The following SLC35D4 variants were observed in gnomAD, a reference collection of about 807,000 sequenced individuals.
SLC35D4 encodes solute carrier family 35 member D4.
the SLC35D4 span, among the ~76,000 whole-genome samples, chr18:23,346,527 T>C: frequency 2.0e-5 from 3 of 152,290 alleles, no homozygotes; most frequent in Non-Finnish European, 4.4e-5. Context: ...CTTTTTTTTT[T>C]TTCCTATTGC....
chr18:23,282,188 G>C, the SLC35D4 span, among the ~76,000 whole-genome samples: 1 of 152,122 alleles, frequency 6.6e-6, no homozygotes, highest in Non-Finnish European at 1.5e-5. Flanking sequence ...CTAATCCTGC[G>C]GGCCTTTCAC....
chr18:23,300,255 C>A, the SLC35D4 span, among the ~76,000 whole-genome samples: 1 of 152,174 alleles, frequency 6.6e-6, no homozygotes, highest in South Asian at 2.1e-4. Flanking sequence ...GACTGCCGTT[C>A]CCCTTGTAGC....
the SLC35D4 span, among the ~76,000 whole-genome samples, chr18:23,432,338 C>A: frequency 6.6e-6 from 1 of 152,156 alleles, no homozygotes; most frequent in African/African-American, 2.4e-5. Context: ...GTTGCTCAGA[C>A]AAAATGCTAT....
chr18:23,370,242 C>T, the SLC35D4 span: 1 of 1,611,326 alleles, frequency 6.2e-7, no homozygotes, highest in South Asian at 1.1e-5. Flanking sequence ...TCTGGGACTT[C>T]TGTAGAATTT....
chr18:23,301,723 C>T, the SLC35D4 span, among the ~76,000 whole-genome samples: 6 of 152,296 alleles, frequency 3.9e-5, no homozygotes, highest in East Asian at 3.9e-4. Flanking sequence ...ATCTATAAAA[C>T]GGGAGAGGAG....
the SLC35D4 span, chr18:23,257,441 G>A: frequency 2.0e-6 from 3 of 1,464,474 alleles, no homozygotes; most frequent in Non-Finnish European, 2.7e-6. Flanking sequence ...TACTGGAAAT[G>A]AAAAAAAGTA....
chr18:23,399,716 C>G, the SLC35D4 span: 1 of 1,492,952 alleles, frequency 6.7e-7, no homozygotes, highest in Non-Finnish European at 9.3e-7. Flanking sequence ...GCTGGAAAGG[C>G]TGACCCTCCA....
the SLC35D4 span, among the ~76,000 whole-genome samples, chr18:23,365,288 A>G: frequency 6.6e-6 from 1 of 152,160 alleles, no homozygotes; most frequent in East Asian, 1.9e-4. Context: ...GAACTTTTTC[A>G]CCAATTTTTT....
chr18:23,367,056 G>A, the SLC35D4 span, among the ~76,000 whole-genome samples: 2 of 152,114 alleles, frequency 1.3e-5, no homozygotes, highest in Non-Finnish European at 2.9e-5. Flanking sequence ...AACTTCAGGA[G>A]GAGAAGTGAT....
At chr18:23,274,695 AG>A in the SLC35D4 span, among the ~76,000 whole-genome samples, 1 of 152,108 alleles carries the variant, frequency 6.6e-6, no homozygotes, top group African/African-American at 2.4e-5. Flanking sequence ...ACCAGGCCCC[AG>A]GTGCTGTGTC....
the SLC35D4 span, chr18:23,310,074 T>C: frequency 5.3e-6 from 2 of 376,094 alleles, no homozygotes; most frequent in Non-Finnish European, 7.3e-6. Flanking sequence ...AGGGGTATAT[T>C]AAGAAAACTC....
At chr18:23,276,962 G>A in the SLC35D4 span, among the ~76,000 whole-genome samples, 29 of 152,184 alleles carry the variant, frequency 1.9e-4, no homozygotes, top group Non-Finnish European at 3.7e-4. Flanking sequence ...CTCTCTACCT[G>A]TCATCTAGTG....
At chr18:23,436,166 T>A in the SLC35D4 span, among the ~76,000 whole-genome samples, 1 of 151,814 alleles carries the variant, frequency 6.6e-6, no homozygotes, top group Non-Finnish European at 1.5e-5. Context: ...TAGCTGGAAT[T>A]ACAGGCGCCT....
chr18:23,363,747 T>C, the SLC35D4 span, among the ~76,000 whole-genome samples: 1 of 152,142 alleles, frequency 6.6e-6, no homozygotes, highest in Non-Finnish European at 1.5e-5. Flanking sequence ...GCTACCTGGC[T>C]GCATAAAGGA....
the SLC35D4 span, among the ~76,000 whole-genome samples, chr18:23,429,704 T>C: frequency 2.6e-5 from 4 of 152,222 alleles, no homozygotes; most frequent in East Asian, 5.8e-4. Context: ...ACAGCCATTC[T>C]GACTGGTATG....
At chr18:23,375,935 T>TC in the SLC35D4 span, among the ~76,000 whole-genome samples, 4 of 152,240 alleles carry the variant, frequency 2.6e-5, no homozygotes, top group Middle Eastern at 3.4e-3. Context: ...CCTCTAGCTT[T>TC]CCCCACTCTC....
At chr18:23,384,272 C>T in the SLC35D4 span, among the ~76,000 whole-genome samples, 1 of 151,814 alleles carries the variant, frequency 6.6e-6, no homozygotes, top group Non-Finnish European at 1.5e-5. Flanking sequence ...GCCTGGGCGA[C>T]AGAGCAAGAC....
At chr18:23,429,236 T>C in the SLC35D4 span, among the ~76,000 whole-genome samples, 1 of 152,194 alleles carries the variant, frequency 6.6e-6, no homozygotes, top group East Asian at 1.9e-4. Flanking sequence ...GGTCAAATGG[T>C]AATTCTATTT....
the SLC35D4 span, among the ~76,000 whole-genome samples, chr18:23,303,707 C>T: frequency 6.6e-6 from 1 of 152,248 alleles, no homozygotes; most frequent in African/African-American, 2.4e-5. Context: ...TCGAGACCAG[C>T]CTGGCCAACA....
Sources: allele counts gnomAD v4.1 joint callset (sites outside exome capture counted in the v4.1 genomes callset), GRCh38; gene constraint gnomAD v4.1.1; transcripts MANE v1.5; gene names NCBI Gene and HGNC (gene_info 2026-07-23, HGNC 2026-07-21).